Variants in SAMSN1 observed in about 807,000 individuals in gnomAD.
SAMSN1 encodes SAM domain, SH3 domain and nuclear localization signals 1, also known as SAM domain-containing protein SAMSN-1.
A neutral mutation model predicts 42.0 loss-of-function variants in SAMSN1; 31 were observed. The observed-to-expected ratio is 0.74, with a 90% CI of 0.55 to 1.00. The LOEUF (loss-of-function observed/expected upper bound fraction) is 1.00, where lower values mean the gene tolerates loss of function less well. SAMSN1 is among the 50% of genes least tolerant of loss of function. The probability of loss-of-function intolerance (pLI) is 0.00; values close to 1 mark genes in which losing one functional copy is unlikely to be tolerated. For synonymous variants in SAMSN1, 178 were observed against 151.9 expected, an observed-to-expected ratio of 1.17 and a Z score of -1.26; for missense variants, 464 against 439.4, an observed-to-expected ratio of 1.06 and a Z score of -0.50.
At chr21:14,588,495 CA>C (rs1981990474) in intron 7 of SAMSN1, among the ~76,000 whole-genome samples, 2 of 151,100 alleles carry the variant, frequency 1.3e-5, no homozygotes, top group Admixed American at 1.3e-4. Flanking sequence ...CTCTGATGGC[CA>C]GTGATGATGA....
chr21:14,619,706 TA>T, intron 2 of SAMSN1: 1 of 302,940 alleles, frequency 3.3e-6, no homozygotes, highest in South Asian at 3.0e-5. Context: ...CAAGATAAAA[TA>T]ATACACACTT....
At chr21:14,582,522 T>A in intron 1 of SAMSN1, 1 of 765,470 alleles carries the variant, frequency 1.3e-6, no homozygotes, top group Non-Finnish European at 2.1e-6. Context: ...AAAACTATGA[T>A]TATAATTCTT....
intron 6 of SAMSN1, 58 bp downstream of exon 6, chr21:14,500,471 C>T (rs1987098388): frequency 1.4e-6 from 2 of 1,424,674 alleles, no homozygotes; most frequent in Non-Finnish European, 2.0e-6. Flanking sequence ...CTGATCCACT[C>T]CCTTCGGTGT....
At chr21:14,552,497 C>T (rs1189324460) in intron 2 of SAMSN1, among the ~76,000 whole-genome samples, 3 of 152,012 alleles carry the variant, frequency 2.0e-5, no homozygotes, top group African/African-American at 7.2e-5. Flanking sequence ...CCCTTCACTC[C>T]CACTTTTCCA....
intron 7 of SAMSN1, among the ~76,000 whole-genome samples, chr21:14,496,554 C>T (rs1240433752): frequency 6.6e-6 from 1 of 152,216 alleles, no homozygotes; most frequent in African/African-American, 2.4e-5. Flanking sequence ...CTAAGCCAAA[C>T]ATTGTTTAGT....
At position 14,520,763 on chromosome 21, in the gene SAMSN1, G is replaced by A. The variant is rs138092487; in HGVS notation, c.129+387C>T. Among the ~76,000 whole-genome samples, 227 of 152,282 alleles carry A rather than the reference G, an allele frequency of 1.5e-3. 1 individual carries two copies. The highest frequency in any genetic ancestry group is 5.2e-3 in the African/African-American group (216 of 41,546). ...AAGGGGACGGAGCTATGGGAAGGTC[G>A]TGTGGTTTGCTGCAGGGAGGAGCCT... On this transcript the variant is annotated intron_variant, in intron 2 of 7. Transcript: ENST00000400566.
At chr21:14,623,761 C>T (rs924035837) in intron 2 of SAMSN1, among the ~76,000 whole-genome samples, 1 of 152,160 alleles carries the variant, frequency 6.6e-6, no homozygotes, top group Non-Finnish European at 1.5e-5. Context: ...GAACTCAGCT[C>T]TGCACCAAGC....
intron 2 of SAMSN1, among the ~76,000 whole-genome samples, chr21:14,624,721 C>T (rs1322207673): frequency 1.3e-5 from 2 of 152,214 alleles, no homozygotes; most frequent in Non-Finnish European, 2.9e-5. Context: ...GGTACCATTC[C>T]TTCTGAAACT....
At chr21:14,656,264 G>GGGA (rs1290693601) in intron 1 of SAMSN1, among the ~76,000 whole-genome samples, 4 of 151,734 alleles carry the variant, frequency 2.6e-5, no homozygotes, top group African/African-American at 9.7e-5. Context: ...AGGACAAATG[G>GGGA]GGAGCAGGGT....
chr21:14,596,458 G>T (rs1299131948), intron 6 of SAMSN1, among the ~76,000 whole-genome samples: 2 of 152,120 alleles, frequency 1.3e-5, no homozygotes, highest in African/African-American at 2.4e-5. Flanking sequence ...CACTGAAGAG[G>T]TCTTCAGAAG....
intron 2 of SAMSN1, among the ~76,000 whole-genome samples, chr21:14,627,888 G>A (rs1343133459): frequency 6.6e-6 from 1 of 152,136 alleles, no homozygotes; most frequent in Admixed American, 6.6e-5. Flanking sequence ...AGTGATTCTA[G>A]GAAATGTGAT....
intron 4 of SAMSN1, 140 bp downstream of exon 4, chr21:14,512,304 A>G: frequency 1.3e-5 from 11 of 854,188 alleles, no homozygotes; most frequent in Non-Finnish European, 2.0e-5. Flanking sequence ...GCAACTCTAT[A>G]TAGATTTAAT....
At chr21:14,487,115 A>G (rs973765978) in intron 7 of SAMSN1, among the ~76,000 whole-genome samples, 5 of 152,040 alleles carry the variant, frequency 3.3e-5, no homozygotes, top group African/African-American at 1.2e-4. Context: ...TTGGGGCTTC[A>G]CCACTGTAGG....
chr21:14,551,654 G>C (rs979467691), intron 2 of SAMSN1, among the ~76,000 whole-genome samples: 3 of 152,042 alleles, frequency 2.0e-5, no homozygotes. Flanking sequence ...TAATTTTCAT[G>C]AAGTAATATT....
At chr21:14,623,550 G>C (rs1433015268) in intron 2 of SAMSN1, among the ~76,000 whole-genome samples, 1 of 152,154 alleles carries the variant, frequency 6.6e-6, no homozygotes, top group Non-Finnish European at 1.5e-5. Context: ...TAATAGTAAA[G>C]GGATCAATTC....
chr21:14,614,863 T>C (rs1982796559), intron 3 of SAMSN1, among the ~76,000 whole-genome samples: 1 of 152,180 alleles, frequency 6.6e-6, no homozygotes, highest in Admixed American at 6.5e-5. Context: ...TTCAATTTTA[T>C]TTTAATTGCT....
At chr21:14,609,318 A>AGTT (rs1371852607) in intron 5 of SAMSN1, among the ~76,000 whole-genome samples, 1 of 152,072 alleles carries the variant, frequency 6.6e-6, no homozygotes, top group African/African-American at 2.4e-5. Context: ...ATATATTAAT[A>AGTT]GTTTATAATA....
intron 7 of SAMSN1, chr21:14,496,488 G>C (rs568943393): frequency 4.9e-4 from 75 of 152,332 alleles, no homozygotes; most frequent in African/African-American, 1.8e-3. Context: ...TCATTTTGGA[G>C]AGTATTGGCA....
intron 1 of SAMSN1, among the ~76,000 whole-genome samples, chr21:14,528,308 A>T (rs1039272477): frequency 6.6e-6 from 1 of 152,142 alleles, no homozygotes; most frequent in African/African-American, 2.4e-5. Flanking sequence ...ACTAAAATAA[A>T]TACTAAAATA....
Sources: gnomAD v4.1 joint callset for allele counts (sites outside exome capture counted in the v4.1 genomes callset) on GRCh38, gnomAD v4.1.1 for gene constraint, MANE v1.5 for transcripts, NCBI Gene and HGNC (gene_info 2026-07-23, HGNC 2026-07-21) for gene names.